CCDC175: variants seen among roughly 807,000 people sequenced by gnomAD.
CCDC175 encodes coiled-coil domain containing 175.
Under a neutral mutation model 114.6 loss-of-function variants are expected in CCDC175, and 100 were observed. The ratio of observed to expected loss-of-function variants is 0.87; its 90% CI spans 0.74 to 1.03. The LOEUF (loss-of-function observed/expected upper bound fraction) is 1.03, where lower values mean the gene tolerates loss of function less well. Among genes scored for constraint, CCDC175 ranks in the 50% least tolerant of loss-of-function variants. The pLI is 0.00. For synonymous variants in CCDC175, 306 were observed against 308.7 expected, an observed-to-expected ratio of 0.99 and a Z score of 0.09; for missense variants, 880 against 917.8, an observed-to-expected ratio of 0.96 and a Z score of 0.53.
At chr14:59,530,380 AAG>A (rs1893995878) in intron 14 of CCDC175, among the ~76,000 whole-genome samples, 1 of 151,026 alleles carries the variant, frequency 6.6e-6, no homozygotes, top group Admixed American at 6.6e-5. Context: ...AAAAGAAAGA[AAG>A]AAAGCAAAAA....
At chr14:59,546,230 CT>C (rs1331757473) in intron 8 of CCDC175, among the ~76,000 whole-genome samples, 1 of 152,136 alleles carries the variant, frequency 6.6e-6, no homozygotes, top group Admixed American at 6.5e-5. Flanking sequence ...AAATGAAATA[CT>C]GCATATTCTC....
chr14:59,560,651 G>A (rs1896179136), intron 7 of CCDC175, among the ~76,000 whole-genome samples: 1 of 152,152 alleles, frequency 6.6e-6, no homozygotes, highest in Non-Finnish European at 1.5e-5. Context: ...ATGGATGGAA[G>A]ACCTCCTTCA....
chr14:59,520,200 T>C (rs1045645836), intron 17 of CCDC175, among the ~76,000 whole-genome samples: 2 of 152,220 alleles, frequency 1.3e-5, no homozygotes, highest in African/African-American at 4.8e-5. Context: ...TGAAAAAGTA[T>C]ACTCAACAAC....
At chr14:59,574,322 T>C (rs1037076794) in intron 2 of CCDC175, among the ~76,000 whole-genome samples, 4 of 152,234 alleles carry the variant, frequency 2.6e-5, no homozygotes, top group African/African-American at 7.2e-5. Flanking sequence ...CTACTCTGAC[T>C]GTGCCAAGGA....
chr14:59,531,228 C>T (rs1004305163), intron 14 of CCDC175, among the ~76,000 whole-genome samples: 2 of 151,670 alleles, frequency 1.3e-5, no homozygotes, highest in African/African-American at 4.8e-5. Context: ...TTATATTAAA[C>T]ATGCATGATT....
At chr14:59,564,154 G>T (rs183996306) in intron 5 of CCDC175, among the ~76,000 whole-genome samples, 3 of 152,056 alleles carry the variant, frequency 2.0e-5, no homozygotes, top group Non-Finnish European at 2.9e-5. Context: ...TAATTGCCAC[G>T]GTAGTGATTT....
At chr14:59,561,262 T>A (rs1330092197) in intron 6 of CCDC175, 34 bp from the exon 7 acceptor site, 4 of 1,172,144 alleles carry the variant, frequency 3.4e-6, no homozygotes, top group Non-Finnish European at 3.7e-6. Context: ...TGGCATCCAA[T>A]CATCACCAAG....
At position 59,543,470 on chromosome 14, in the gene CCDC175, G is replaced by C. The variant is rs1894910360; in HGVS notation, c.1173-16C>G. The C allele has an allele frequency of 9.0e-7, 1 of 1,114,888 alleles. No individual in the cohort carries two copies. The highest frequency in any genetic ancestry group is 1.6e-5 in the African/African-American group (1 of 62,872). The allele number at this position is 1,114,888 out of a possible 1,614,324, so 69.1% of individuals were successfully genotyped here. A position where few individuals can be genotyped will look rare whatever the true frequency, so the allele number is the denominator to read the frequency against. ...TTTCTGATTTCTATCATGAAAAACA[G>C]AGTTATTTGTTGAAGGCTGACATAA... On this transcript the variant is annotated splice_polypyrimidine_tract_variant and intron_variant, in intron 9 of 19. Coordinates refer to ENST00000537690, the MANE Select transcript of CCDC175 (RefSeq NM_001164399.2).
intron 13 of CCDC175, among the ~76,000 whole-genome samples, chr14:59,534,909 T>G (rs1031604539): frequency 6.6e-6 from 1 of 152,206 alleles, no homozygotes; most frequent in South Asian, 2.1e-4. Flanking sequence ...GAGACCCAAA[T>G]GGTAGTGGGA....
intron 11 of CCDC175, 24 bp downstream of exon 11, chr14:59,540,651 T>TTTC (rs1291695154): frequency 9.0e-7 from 1 of 1,107,596 alleles, no homozygotes; most frequent in Non-Finnish European, 1.2e-6. Context: ...AAATAAACTT[T>TTTC]TTTTTTTTTT....
Position 59,534,624 on chromosome 14 carries a change from C to A in CCDC175, c.1624-2714G>T, listed in dbSNP as rs370575016. ...TTCCTGGCAGCTCTGCTTCTCTGAT[C>A]AAATTCTGCCATATACGGGGCTGTA... On this transcript the variant is annotated intron_variant, in intron 13 of 19. Transcript: ENST00000537690. Among the ~76,000 whole-genome samples, 10 of 152,298 alleles carry A rather than the reference C, an allele frequency of 6.6e-5. No individual in the cohort carries two copies. The South Asian group carries it at 1.7e-3, about 25-fold the overall frequency.
intron 5 of CCDC175, among the ~76,000 whole-genome samples, 164 bp downstream of exon 5, chr14:59,564,883 G>A (rs1445764222): frequency 6.6e-6 from 1 of 152,234 alleles, no homozygotes; most frequent in East Asian, 1.9e-4. Flanking sequence ...TTCCCCAAGA[G>A]CAGAAGTGTC....
intron 7 of CCDC175, among the ~76,000 whole-genome samples, chr14:59,559,826 T>G (rs1376086503): frequency 1.3e-5 from 2 of 152,162 alleles, no homozygotes; most frequent in African/African-American, 2.4e-5. Context: ...AGATTCTACA[T>G]GAATCCAAAC....
At chr14:59,538,648 G>C (rs921395753) in intron 12 of CCDC175, 57 bp downstream of exon 12, 24 of 1,298,812 alleles carry the variant, frequency 1.8e-5, no homozygotes, top group Middle Eastern at 2.5e-4. Flanking sequence ...AATATTAAAG[G>C]AGAATTGCTG....
Position 59,540,681 on chromosome 14 carries a change from T to C in CCDC175, c.1349A>G (p.Gln450Arg). The stretch of plus-strand genomic sequence containing the variant: ...TTTTTTTTTTTTTTTTTACCATCTC[T>C]GACTTTCTCTTTCCAGGTTAGCACT... ...ILSANLERES[Q>R]RCVITQWKMA... Residue 450 changes from glutamine (Q) to arginine (R), a missense_variant, in exon 11 of 20, where the codon CAG (glutamine) becomes CGG (arginine). By Grantham distance (43) the Gln-to-Arg change is conservative. Transcript: ENST00000537690. 1 of 1,255,684 alleles carries C rather than the reference T, an allele frequency of 8.0e-7. No individual in the cohort carries two copies. Among genetic ancestry groups the C allele is most frequent in the East Asian group, 2.6e-5 (1 of 38,190 alleles). The allele number at this position is 1,255,684 out of a possible 1,614,324, so 77.8% of individuals were successfully genotyped here.
At chr14:59,570,941 C>T (rs1305877789) in intron 3 of CCDC175, among the ~76,000 whole-genome samples, 2 of 152,006 alleles carry the variant, frequency 1.3e-5, no homozygotes, top group African/African-American at 4.8e-5. Flanking sequence ...TGGGGTTTCA[C>T]TATGTTGGCC....
chr14:59,508,587 AG>A lies in CCDC175; in HGVS notation c.2305+2058del, dbSNP rs1308538012. On this transcript the variant is annotated intron_variant, in intron 19 of 19. Coordinates refer to ENST00000537690, the MANE Select transcript of CCDC175 (RefSeq NM_001164399.2). ...TCTCAAAAAAAAAAAAAAAAAAAAG[AG>A]AGAAAAGCAAGTAATCCTGGCTGCT... is the stretch of plus-strand genomic sequence containing the variant. 1.0e-4 allele frequency among the ~76,000 whole-genome samples: 15 copies of A among 145,100 alleles called. 1 individual carries two copies. Among genetic ancestry groups the A allele is most frequent in the Admixed American group, 8.2e-4 (12 of 14,600 alleles).
intron 8 of CCDC175, among the ~76,000 whole-genome samples, chr14:59,549,797 A>G (rs1318669010): frequency 6.6e-6 from 1 of 152,128 alleles, no homozygotes; most frequent in East Asian, 1.9e-4. Context: ...AGGTGTTGGG[A>G]AGAGATACTA....
intron 4 of CCDC175, among the ~76,000 whole-genome samples, chr14:59,566,621 A>G (rs530610697): frequency 2.6e-5 from 4 of 152,292 alleles, no homozygotes; most frequent in South Asian, 2.1e-4. Context: ...GTGAAATCAA[A>G]AAACCTCACT....
Sources: allele counts gnomAD v4.1 joint callset (sites outside exome capture counted in the v4.1 genomes callset), GRCh38; gene constraint gnomAD v4.1.1; transcripts MANE v1.5; gene names NCBI Gene and HGNC (gene_info 2026-07-23, HGNC 2026-07-21).